The following PDE3B variants were observed in gnomAD, a reference collection of about 807,000 sequenced individuals.
The protein encoded by PDE3B is cGMP-inhibited 3',5'-cyclic phosphodiesterase 3B.
A neutral mutation model predicts 116.8 loss-of-function variants in PDE3B; 66 were observed. That is an observed-to-expected ratio of 0.56 (90% CI 0.46 to 0.69). PDE3B has a LOEUF of 0.69. Ranked by LOEUF, PDE3B falls within the 30% of genes least tolerant of loss-of-function variation. The probability of loss-of-function intolerance (pLI) is 0.00; values close to 1 mark genes in which losing one functional copy is unlikely to be tolerated. For synonymous variants in PDE3B, 595 were observed against 533.6 expected (o/e 1.12, Z -1.59); for missense variants, 1,384 against 1,368.1 (o/e 1.01, Z -0.18).
intron 15 of PDE3B, 49 bp downstream of exon 15, chr11:14,867,807 T>C (rs782753797): frequency 2.0e-6 from 3 of 1,490,448 alleles, no homozygotes; most frequent in South Asian, 2.6e-5. Flanking sequence ...AGGTTGAGTA[T>C]TCCAAGTCTG....
the PDE3B span, among the ~76,000 whole-genome samples, chr11:14,884,192 A>G: frequency 6.6e-6 from 1 of 151,994 alleles, no homozygotes; most frequent in Non-Finnish European, 1.5e-5. Flanking sequence ...TATATACCCA[A>G]AGGACTATAA....
intron 1 of PDE3B, among the ~76,000 whole-genome samples, chr11:14,649,490 T>A (rs1481699428): frequency 1.3e-5 from 2 of 152,352 alleles, no homozygotes; most frequent in East Asian, 3.9e-4. Context: ...TCTTTACTCC[T>A]AGTCCACTTT....
chr11:14,737,732 G>A (rs1337627330), intron 1 of PDE3B, among the ~76,000 whole-genome samples: 1 of 151,092 alleles, frequency 6.6e-6, no homozygotes, highest in Non-Finnish European at 1.5e-5. Context: ...TCCTCATTTA[G>A]CATTAGTTAT....
the PDE3B span, among the ~76,000 whole-genome samples, chr11:14,884,614 T>C: frequency 2.0e-5 from 3 of 151,802 alleles, no homozygotes; most frequent in African/African-American, 7.3e-5. Flanking sequence ...CATACCAGCA[T>C]GGCACATGTA....
the PDE3B span, among the ~76,000 whole-genome samples, chr11:14,888,803 AATT>A: frequency 6.6e-6 from 1 of 152,190 alleles, no homozygotes; most frequent in Admixed American, 6.5e-5. Context: ...TGTAAAAATA[AATT>A]AATACGCTGT....
chr11:14,670,804 C>T (rs1049427747), intron 1 of PDE3B, among the ~76,000 whole-genome samples: 2 of 151,960 alleles, frequency 1.3e-5, no homozygotes, highest in Non-Finnish European at 2.9e-5. Context: ...TTCCTGTTGA[C>T]AATTTCTGTT....
At chr11:14,685,446 C>CTTTTTTTTTTTTT (rs71044017) in intron 1 of PDE3B, among the ~76,000 whole-genome samples, 2 of 86,334 alleles carry the variant, frequency 2.3e-5, no homozygotes, top group African/African-American at 7.2e-5. Flanking sequence ...TTTTTCTCAT[C>CTTTTTTTTTTTTT]TTTTTTTTTT....
intron 4 of PDE3B, among the ~76,000 whole-genome samples, chr11:14,795,309 A>G (rs1165253107): frequency 5.3e-5 from 8 of 152,196 alleles, no homozygotes; most frequent in Non-Finnish European, 1.2e-4. Flanking sequence ...TAGGAGTTGT[A>G]TGCTAGGAAA....
intron 1 of PDE3B, among the ~76,000 whole-genome samples, chr11:14,667,361 C>G (rs1294646023): frequency 6.7e-6 from 1 of 149,526 alleles, no homozygotes; most frequent in Non-Finnish European, 1.5e-5. Flanking sequence ...GTGCAGCACA[C>G]CAGCATGGCA....
chr11:14,862,938 A>C (rs1395372492), intron 14 of PDE3B, among the ~76,000 whole-genome samples: 1 of 151,900 alleles, frequency 6.6e-6, no homozygotes, highest in Non-Finnish European at 1.5e-5. Context: ...CAGAAGGTGC[A>C]GTTTTGTTAT....
chr11:14,786,718 T>C (rs1298269674), intron 3 of PDE3B, 33 bp downstream of exon 3: 1 of 1,524,378 alleles, frequency 6.6e-7, no homozygotes, highest in Non-Finnish European at 9.0e-7. Context: ...ACCCTATTTA[T>C]CAAATTTAAT....
chr11:14,666,578 A>G (rs1269262108), intron 1 of PDE3B, among the ~76,000 whole-genome samples: 3 of 151,730 alleles, frequency 2.0e-5, no homozygotes, highest in Non-Finnish European at 2.9e-5. Context: ...AACTCAAACA[A>G]ATTTACAAGA....
chr11:14,856,343 A>G (rs1188338231), intron 12 of PDE3B, among the ~76,000 whole-genome samples: 1 of 152,178 alleles, frequency 6.6e-6, no homozygotes, highest in Non-Finnish European at 1.5e-5. Flanking sequence ...ATAGCAGTGT[A>G]AACACAGAAA....
chr11:14,807,457 T>C (rs1455197708), intron 5 of PDE3B, among the ~76,000 whole-genome samples: 1 of 151,986 alleles, frequency 6.6e-6, no homozygotes, highest in Non-Finnish European at 1.5e-5. Context: ...AGATGAACAT[T>C]GTAGTATTCA....
chr11:14,826,876 C>T (rs1402028528), intron 7 of PDE3B, among the ~76,000 whole-genome samples: 1 of 152,048 alleles, frequency 6.6e-6, no homozygotes, highest in South Asian at 2.1e-4. Flanking sequence ...AAAAACAAAA[C>T]CTCAAGCCAA....
At chr11:14,790,355 C>A (rs1858344769) in intron 4 of PDE3B, among the ~76,000 whole-genome samples, 1 of 146,120 alleles carries the variant, frequency 6.8e-6, no homozygotes, top group Non-Finnish European at 1.5e-5. Flanking sequence ...GTAAAGGAAG[C>A]AGGATATAGG....
rs527718454 is a variant in PDE3B, at chr11:14,805,818, A to G, written c.1522+1768A>G. ...AGGATTAAAAAGTGTTGATGGGTCAAAAAGTTGGCAAAGGATATGAATAGA... is the reference window on the plus strand; with the variant it reads ...AGGATTAAAAAGTGTTGATGGGTCAGAAAGTTGGCAAAGGATATGAATAGA... On this transcript the variant is annotated intron_variant, in intron 5 of 15. Coordinates refer to ENST00000282096, the MANE Select transcript of PDE3B (RefSeq NM_000922.4). 2.0e-5 allele frequency among the ~76,000 whole-genome samples: 3 copies of G among 152,356 alleles called. No individual in the cohort carries two copies. The East Asian group carries it at 5.8e-4, about 29-fold the overall frequency.
At chr11:14,757,252 G>A (rs569408730) in intron 1 of PDE3B, among the ~76,000 whole-genome samples, 12 of 150,570 alleles carry the variant, frequency 8.0e-5, no homozygotes, top group Admixed American at 2.6e-4. Context: ...GAATAATGCC[G>A]CAATAAACAT....
At chr11:14,832,906 C>A in intron 10 of PDE3B, 73 bp downstream of exon 10, 1 of 688,932 alleles carries the variant, frequency 1.5e-6, no homozygotes, top group Non-Finnish European at 2.5e-6. Context: ...TCTTTCTCTT[C>A]AGATGGTCCC....
Sources: allele counts gnomAD v4.1 joint callset (sites outside exome capture counted in the v4.1 genomes callset), GRCh38; gene constraint gnomAD v4.1.1; transcripts MANE v1.5; gene names NCBI Gene and HGNC (gene_info 2026-07-23, HGNC 2026-07-21).